Variants in PCDHGA4 observed in about 807,000 individuals in gnomAD.
The protein encoded by PCDHGA4 is protocadherin gamma-A4.
In PCDHGA4, 38 loss-of-function variants were observed where a neutral mutation model predicts 54.6. The observed-to-expected ratio is 0.70, with a 90% CI of 0.54 to 0.91. PCDHGA4 has a LOEUF of 0.91. Ranked by LOEUF, PCDHGA4 falls within the 40% of genes least tolerant of loss-of-function variation. The pLI, the probability that PCDHGA4 is intolerant of heterozygous loss-of-function variation, is 0.00. For synonymous variants in PCDHGA4, 511 were observed against 512.9 expected (o/e 1.00, Z 0.05); for missense variants, 1,298 against 1,220.9 (o/e 1.06, Z -0.94).
At chr5:141,459,136 T>C (rs1044347522) in intron 1 of PCDHGA4, among the ~76,000 whole-genome samples, 2 of 152,224 alleles carry the variant, frequency 1.3e-5, no homozygotes, top group Non-Finnish European at 2.9e-5. Context: ...GTAACCACCA[T>C]GCAATCAAAA....
At chr5:141,391,788 G>GT (rs1373420883) in intron 1 of PCDHGA4, 2 of 152,132 alleles carry the variant, frequency 1.3e-5, no homozygotes, top group African/African-American at 2.4e-5. Flanking sequence ...ACTTTTTGCA[G>GT]TTTTTTAGAT....
Position 141,356,985 on chromosome 5 carries a change from C to T in PCDHGA4, c.1878C>T (p.Asp626=). Reference sequence around the variant, plus strand: ...TGGTGACCAAAGTGGTGGCAGTGGACAGAGACTCAGGTCAGAATGCCTGGC... The same window carrying T: ...TGGTGACCAAAGTGGTGGCAGTGGATAGAGACTCAGGTCAGAATGCCTGGC... ...GYLVTKVVAV[D]RDSGQNAWLS... Residue 626 remains aspartate, a synonymous_variant, in exon 1 of 4, where the codon GAC becomes GAT. Coordinates refer to ENST00000571252, the MANE Select transcript of PCDHGA4 (RefSeq NM_018917.4). The T allele has an allele frequency of 1.2e-6, 2 of 1,614,208 alleles. No individual in the cohort carries two copies. The highest frequency in any genetic ancestry group is 1.7e-6 in the Non-Finnish European group (2 of 1,180,022).
intron 1 of PCDHGA4, among the ~76,000 whole-genome samples, chr5:141,450,123 T>G (rs565568384): frequency 2.4e-4 from 36 of 150,874 alleles, no homozygotes; most frequent in Non-Finnish European, 4.7e-4. Context: ...TCTCCTGCCT[T>G]AGCCTCCTGA....
At chr5:141,375,677 G>C (rs1171088976) in intron 1 of PCDHGA4, 2 of 1,614,236 alleles carry the variant, frequency 1.2e-6, no homozygotes, top group African/African-American at 2.7e-5. Flanking sequence ...ACAGCTGTGG[G>C]TGACAGCCAG....
At position 141,431,525 on chromosome 5, in the gene PCDHGA4, G is replaced by A. The variant is rs1390184616; in HGVS notation, c.2515-63282G>A. The A allele has an allele frequency of 5.6e-6, 9 of 1,613,956 alleles. No individual in the cohort carries two copies. Among genetic ancestry groups the A allele is most frequent in the Non-Finnish European group, 7.6e-6 (9 of 1,180,044 alleles). ...CCGCGCGAGCGTTCCGGAGAATCTG[G>A]CCTTGGGCACGCAGCTGCTTGTAGT... On this transcript the variant is annotated intron_variant, in intron 1 of 3. Transcript: ENST00000571252. This position sits in a 1 kb window ranked among gnomAD's most constrained non-coding sequence, Gnocchi z 4.8.
At chr5:141,474,062 C>A (rs745636246) in intron 1 of PCDHGA4, among the ~76,000 whole-genome samples, 2 of 152,104 alleles carry the variant, frequency 1.3e-5, no homozygotes, top group Non-Finnish European at 2.9e-5. Context: ...AGAGCGAGAT[C>A]CTGCCTCAGA....
At chr5:141,414,043 G>A in intron 1 of PCDHGA4, 1 of 1,611,348 alleles carries the variant, frequency 6.2e-7, no homozygotes, top group Non-Finnish European at 8.5e-7. Context: ...AAAATTACCT[G>A]ACACGCAATT....
intron 1 of PCDHGA4, chr5:141,383,744 G>A: frequency 1.2e-6 from 2 of 1,613,886 alleles, no homozygotes; most frequent in South Asian, 1.1e-5. Flanking sequence ...TATTCTTTTC[G>A]GAAAATAACT....
intron 2 of PCDHGA4, among the ~76,000 whole-genome samples, chr5:141,495,193 T>C (rs1471524188): frequency 6.6e-6 from 1 of 152,192 alleles, no homozygotes; most frequent in Admixed American, 6.5e-5. Context: ...TCTATGCCCA[T>C]GTACTGCCTA....
At chr5:141,401,278 G>A (rs1355696847) in intron 1 of PCDHGA4, among the ~76,000 whole-genome samples, 4 of 152,160 alleles carry the variant, frequency 2.6e-5, no homozygotes, top group African/African-American at 9.7e-5. Context: ...GCAGGTGGAG[G>A]TTGCGGTGAG....
In PCDHGA4 at chr5:141,476,524, T is replaced by C. The variant is rs1350353768; in HGVS notation, c.2515-18283T>C. On this transcript the variant is annotated intron_variant, in intron 1 of 3. Coordinates refer to ENST00000571252, the MANE Select transcript of PCDHGA4 (RefSeq NM_018917.4). The surrounding 1 kb of genome is among the most constrained non-coding windows in gnomAD (Gnocchi z 7.6). ...TCAACGACAACAATCCTGCTTTCCC[T>C]ACCCAGGAAATGAAATTGGAGATTA... 6.2e-7 allele frequency: 1 copy of C among 1,614,182 alleles called. No individual in the cohort carries two copies. Among genetic ancestry groups the C allele is most frequent in the Non-Finnish European group, 8.5e-7 (1 of 1,180,028 alleles).
intron 1 of PCDHGA4, among the ~76,000 whole-genome samples, chr5:141,438,211 A>G (rs767576436): frequency 7.8e-4 from 119 of 152,308 alleles, no homozygotes; most frequent in Admixed American, 2.3e-3. Context: ...CCATATGGGA[A>G]GGGCTCTGGT....
chr5:141,374,798 A>C (rs1471175480), intron 1 of PCDHGA4: 3 of 1,613,784 alleles, frequency 1.9e-6, no homozygotes, highest in Non-Finnish European at 2.5e-6. Context: ...GAATGACAAC[A>C]CTCCAATGTT....
intron 1 of PCDHGA4, chr5:141,423,010 G>C: frequency 6.2e-7 from 1 of 1,614,226 alleles, no homozygotes; most frequent in South Asian, 1.1e-5. Context: ...GGTGGTTGCG[G>C]TGGACAAAGA....
In PCDHGA4 at chr5:141,432,770, G is replaced by A. The variant is rs930442281; in HGVS notation, c.2515-62037G>A. The A allele has an allele frequency of 6.2e-7, 1 of 1,614,128 alleles. No individual in the cohort carries two copies. On this transcript the variant is annotated intron_variant, in intron 1 of 3. Coordinates refer to ENST00000571252, the MANE Select transcript of PCDHGA4 (RefSeq NM_018917.4). This position sits in a 1 kb window ranked among gnomAD's most constrained non-coding sequence, Gnocchi z 6.0. ...GGCCGTGGCCGACAGCATCCCCCAAGTCCTGGCGGACCTCGGCAGCCTCGA... is the reference window on the plus strand; with the variant it reads ...GGCCGTGGCCGACAGCATCCCCCAAATCCTGGCGGACCTCGGCAGCCTCGA...
At position 141,375,481 on chromosome 5, in the gene PCDHGA4, CA is replaced by C. The variant is rs140643836; in HGVS notation, c.2514+17861del. 6.2e-4 allele frequency: 1,002 copies of C among 1,614,010 alleles called. 20 individuals are homozygous for C. The East Asian group carries it at 0.02, about 31-fold the overall frequency. On this transcript the variant is annotated intron_variant, in intron 1 of 3. Transcript: ENST00000571252. ...CAGTCTATGTCCTTGAAAACAACCC[CA>C]GGGGTGCCTCCATCTTCTCTGTGAA...
chr5:141,392,822 T>C (rs1234169256), intron 1 of PCDHGA4: 1 of 1,595,210 alleles, frequency 6.3e-7, no homozygotes, highest in East Asian at 2.2e-5. Context: ...CAATGGCCGC[T>C]CCACAGAGTC....
chr5:141,357,618 T>A lies in PCDHGA4; in HGVS notation c.2511T>A (p.Leu837=). ...TTGAAACAAAAGGAGACCCTAATCT[T>A]CAGGTGAGTCAATCTTATAATAGAT... ...DLLETKGDPN[L]QQAPPNTDWR... The change falls in exon 1 of 4, where the codon CTT becomes CTA. Residue 837 remains leucine (L), a synonymous_variant. Transcript: ENST00000571252. The A allele has an allele frequency of 6.2e-7, 1 of 1,613,734 alleles. No homozygotes were observed. The highest frequency in any genetic ancestry group is 8.5e-7 in the Non-Finnish European group (1 of 1,179,756).
Position 141,357,208 on chromosome 5 carries a change from G to A in PCDHGA4, c.2101G>A (p.Asp701Asn). ...TGTGGCTGTGGCCGACAGCATCCCA[G>A]ATGTCCTGGCTGACTTGGGCAGCCT... ...LTVAVADSIP[D>N]VLADLGSLKP... Residue 701 changes from aspartate (D) to asparagine (N), a missense_variant, in exon 1 of 4, where the codon GAT becomes AAT. Transcript: ENST00000571252. The A allele has an allele frequency of 1.2e-6, 2 of 1,613,854 alleles. No individual in the cohort carries two copies. Among genetic ancestry groups the A allele is most frequent in the African/African-American group, 1.3e-5 (1 of 75,062 alleles).
Sources: allele counts gnomAD v4.1 joint callset (sites outside exome capture counted in the v4.1 genomes callset), GRCh38; gene constraint gnomAD v4.1.1; non-coding constraint Gnocchi (gnomAD v3.1); transcripts MANE v1.5; gene names NCBI Gene and HGNC (gene_info 2026-07-23, HGNC 2026-07-21).